Variants in SMC1A observed in about 807,000 individuals in gnomAD.
SMC1A encodes structural maintenance of chromosomes protein 1A.
In SMC1A, 4 loss-of-function variants were observed where a neutral mutation model predicts 94.5. The ratio of observed to expected loss-of-function variants is 0.04; its 90% CI spans 0.02 to 0.10. The LOEUF (loss-of-function observed/expected upper bound fraction) is 0.10. Among genes scored for constraint, SMC1A ranks in the 10% least tolerant of loss-of-function variants. The pLI is 1.00. For synonymous variants in SMC1A, 345 were observed against 347.7 expected (o/e 0.99, Z 0.09); for missense variants, 304 against 989.0 (o/e 0.31, Z 9.29).
At chrX:53,407,971 C>T (rs1272544838) in intron 9 of SMC1A, among the ~76,000 whole-genome samples, 4 of 111,598 alleles carry the variant, frequency 3.6e-5, no homozygotes, top group African/African-American at 1.3e-4. Context: ...TTACAGACCA[C>T]CACCACCCAG....
rs56669032 is a variant in SMC1A at position 53,410,926 on chromosome X, C to CAAAAAA, written c.1254+829_1254+834dup. 8.1e-3 allele frequency among the ~76,000 whole-genome samples: 234 copies of CAAAAAA among 28,814 alleles called. 58 individuals carry two copies. Among genetic ancestry groups the CAAAAAA allele is most frequent in the African/African-American group, 0.041 (220 of 5,356 alleles). 25.0% of individuals were successfully genotyped at this position (28,814 alleles called of 115,157 possible). A position where few individuals can be genotyped will look rare whatever the true frequency, so the allele number is the denominator to read the frequency against. On this transcript the variant is annotated intron_variant, in intron 7 of 24. Coordinates refer to ENST00000322213, the MANE Select transcript of SMC1A (RefSeq NM_006306.4). ...TGGGCAACAGAGTGAGGCTTTGTCT[C>CAAAAAA]AAAAAAAAAAAAAAAAAAAGTAGCC... is the stretch of plus-strand genomic sequence containing the variant.
chrX:53,384,825 G>A (rs1274703875), intron 19 of SMC1A, among the ~76,000 whole-genome samples: 5 of 110,424 alleles, frequency 4.5e-5, no homozygotes, highest in Non-Finnish European at 7.6e-5. Context: ...CATGCCTGTG[G>A]TCCCAGCTCC....
At chrX:53,399,547 C>T (rs782530991) in intron 16 of SMC1A, 42 bp downstream of exon 16, 1 of 1,155,938 alleles carries the variant, frequency 8.7e-7, no homozygotes. Context: ...CCCATTTTTC[C>T]TCCCAGTTAT....
rs782390611 is a variant in SMC1A at position 53,375,683 on chromosome X, C to T, written c.*4420G>A. 9.0e-6 allele frequency: 1 copy of T among 111,474 alleles called. No homozygotes were observed. Among genetic ancestry groups the T allele is most frequent in the Non-Finnish European group, 1.9e-5 (1 of 53,045 alleles). The allele number at this position is 111,474 out of a possible 1,213,427, so 9.2% of individuals were successfully genotyped here. A position where few individuals can be genotyped will look rare whatever the true frequency, so the allele number is the denominator to read the frequency against. On this transcript the variant is annotated 3_prime_UTR_variant, in exon 25 of 25. Transcript: ENST00000322213. Reference sequence around the variant, plus strand: ...CACAGCACACAGAATGTCTAACTAACTTGAGGAATTCCAGTTGCTGAGGAG... The same window carrying T: ...CACAGCACACAGAATGTCTAACTAATTTGAGGAATTCCAGTTGCTGAGGAG...
chrX:53,409,027 A>G (rs1327149150), intron 9 of SMC1A, 35 bp downstream of exon 9: 3 of 1,160,364 alleles, frequency 2.6e-6, no homozygotes, highest in Non-Finnish European at 3.5e-6. Context: ...AGTGAGTGTA[A>G]GTGCTCAGGA....
chrX:53,390,874 C>A (rs1379955041), intron 19 of SMC1A, among the ~76,000 whole-genome samples: 3 of 100,345 alleles, frequency 3.0e-5, no homozygotes, highest in Non-Finnish European at 6.0e-5. Flanking sequence ...TGCCTGTAGT[C>A]CCAGCTACTT....
chrX:53,383,328 C>CT (rs1433392498), intron 19 of SMC1A, 75 bp from the exon 20 acceptor site: 8 of 1,049,871 alleles, frequency 7.6e-6, no homozygotes, highest in East Asian at 6.6e-5. Context: ...AGATGACTGA[C>CT]TGAGTGTGGC....
At chrX:53,400,458 T>C (rs2075666787) in intron 15 of SMC1A, among the ~76,000 whole-genome samples, 1 of 111,692 alleles carries the variant, frequency 9.0e-6, no homozygotes, top group Admixed American at 9.5e-5. Context: ...TTAAATGAGT[T>C]AATATGTATA....
chrX:53,383,037 C>T (rs2075591132), intron 20 of SMC1A, 60 bp downstream of exon 20: 5 of 1,083,432 alleles, frequency 4.6e-6, no homozygotes, highest in South Asian at 1.9e-5. Context: ...ATAGCAGGCC[C>T]GTGGCATACC....
chrX:53,385,995 A>T (rs1556886426), intron 19 of SMC1A, among the ~76,000 whole-genome samples: 1 of 112,053 alleles, frequency 8.9e-6, no homozygotes, highest in Non-Finnish European at 1.9e-5. Context: ...TGACACTTTA[A>T]CTGAGGGATC....
At chrX:53,382,173 GAGCCTCTGGTGGCCT>G in intron 22 of SMC1A, 44 bp downstream of exon 22, 1 of 1,171,521 alleles carries the variant, frequency 8.5e-7, no homozygotes, top group Non-Finnish European at 1.2e-6. Flanking sequence ...TTGGGCCCCA[GAGCCTCTGGTGGCCT>G]CAGTTCAGTC....
upstream of SMC1A, chrX:53,422,725 G>T (rs782105179): frequency 1.4e-5 from 7 of 514,378 alleles, no homozygotes; most frequent in Non-Finnish European, 2.1e-5. Context: ...ATACGTCCAG[G>T]CCTAACGGGA....
intron 9 of SMC1A, among the ~76,000 whole-genome samples, chrX:53,408,503 A>C (rs1048982584): frequency 8.9e-6 from 1 of 111,771 alleles, no homozygotes; most frequent in Non-Finnish European, 1.9e-5. Context: ...AGTGGAACCA[A>C]ACTAAGTTGA....
At chrX:53,380,243 T>A in intron 24 of SMC1A, 57 bp from the exon 25 acceptor site, 3 of 870,953 alleles carry the variant, frequency 3.4e-6, no homozygotes, top group Non-Finnish European at 5.0e-6. Flanking sequence ...TTAAGAGGGG[T>A]CTAGTGCCCC....
chrX:53,410,548 C>A (rs1239609962), intron 7 of SMC1A, among the ~76,000 whole-genome samples: 1 of 108,940 alleles, frequency 9.2e-6, no homozygotes, highest in African/African-American at 3.4e-5. Flanking sequence ...ACCTGTAATC[C>A]CAGCACTTTA....
At chrX:53,388,888 T>G (rs2075615640) in intron 19 of SMC1A, among the ~76,000 whole-genome samples, 1 of 105,747 alleles carries the variant, frequency 9.5e-6, no homozygotes, top group Non-Finnish European at 1.9e-5. Flanking sequence ...TCCCAGTTAC[T>G]TGGGAGGCTG....
chrX:53,404,146 C>T (rs1259781410), intron 13 of SMC1A, among the ~76,000 whole-genome samples: 3 of 111,345 alleles, frequency 2.7e-5, no homozygotes, highest in Non-Finnish European at 5.6e-5. Flanking sequence ...GTATAGGTCC[C>T]AGTCTTTGAT....
chrX:53,397,349 G>A (rs1412385293), intron 16 of SMC1A, among the ~76,000 whole-genome samples: 5 of 111,936 alleles, frequency 4.5e-5, no homozygotes, highest in Admixed American at 2.9e-4. Flanking sequence ...GGGAAGCCAA[G>A]GTGGGCAGAT....
chrX:53,397,155 G>T (rs782577853), intron 16 of SMC1A, among the ~76,000 whole-genome samples: 1 of 111,148 alleles, frequency 9.0e-6, no homozygotes, highest in Non-Finnish European at 1.9e-5. Context: ...TCCTTAAAGG[G>T]TCTGGAAGAA....
Sources: gnomAD v4.1 joint callset for allele counts (sites outside exome capture counted in the v4.1 genomes callset) on GRCh38, gnomAD v4.1.1 for gene constraint, MANE v1.5 for transcripts, NCBI Gene and HGNC (gene_info 2026-07-23, HGNC 2026-07-21) for gene names.